The following CHODL variants were observed in gnomAD, a reference collection of about 807,000 sequenced individuals.
CHODL encodes chondrolectin, also known as transmembrane protein MT75.
CHODL carries 29 observed loss-of-function variants against 34.5 expected under a neutral mutation model. That is an observed-to-expected ratio of 0.84 (90% CI 0.63 to 1.15). The LOEUF (loss-of-function observed/expected upper bound fraction) is 1.15, where lower values mean the gene tolerates loss of function less well. CHODL is among the 50% of genes most tolerant of loss of function. The pLI, the probability that CHODL is intolerant of heterozygous loss-of-function variation, is 0.00. For synonymous variants in CHODL, 125 were observed against 116.1 expected (o/e 1.08, Z -0.49); for missense variants, 332 against 332.5 (o/e 1.00, Z 0.01).
intron 2 of CHODL, among the ~76,000 whole-genome samples, chr21:18,071,775 A>G (rs560332228): frequency 6.6e-6 from 1 of 152,220 alleles, no homozygotes; most frequent in African/African-American, 2.4e-5. Context: ...ATTTCCATAA[A>G]TCATACATGC....
At chr21:18,123,286 G>A (rs1361991582) in intron 2 of CHODL, among the ~76,000 whole-genome samples, 2 of 152,086 alleles carry the variant, frequency 1.3e-5, no homozygotes, top group Non-Finnish European at 2.9e-5. Flanking sequence ...TGATCATTTG[G>A]CTTAACCCCA....
At chr21:18,057,449 A>G (rs77418146) in intron 2 of CHODL, among the ~76,000 whole-genome samples, 2,844 of 152,108 alleles carry the variant, frequency 0.019, 93 homozygotes, top group African/African-American at 0.059. Context: ...CTCATTCCAT[A>G]TCAACATTCT....
intron 2 of CHODL, chr21:18,114,839 T>C (rs2065393875): frequency 6.6e-6 from 1 of 152,266 alleles, no homozygotes; most frequent in African/African-American, 2.4e-5. Context: ...GTTCCAGTCA[T>C]ACAGGCAAGG....
chr21:18,086,137 T>C (rs1233065244), intron 2 of CHODL, among the ~76,000 whole-genome samples: 1 of 150,912 alleles, frequency 6.6e-6, no homozygotes, highest in Non-Finnish European at 1.5e-5. Flanking sequence ...TGCTCTGGTC[T>C]ATAATTAAAG....
At chr21:18,256,853 T>A in intron 2 of CHODL, 35 bp downstream of exon 2, 1 of 1,593,836 alleles carries the variant, frequency 6.3e-7, no homozygotes, top group Non-Finnish European at 8.6e-7. Flanking sequence ...GCAGGTGCTC[T>A]GGGGAACTCC....
At chr21:17,974,715 A>G (rs1291747628) in intron 1 of CHODL, among the ~76,000 whole-genome samples, 1 of 151,998 alleles carries the variant, frequency 6.6e-6, no homozygotes, top group Non-Finnish European at 1.5e-5. Flanking sequence ...TTTATATTGT[A>G]TAGTATAATT....
chr21:18,161,825 C>G (rs1012865847), intron 2 of CHODL, among the ~76,000 whole-genome samples: 1 of 152,196 alleles, frequency 6.6e-6, no homozygotes, highest in African/African-American at 2.4e-5. Context: ...CTACATCTCT[C>G]TCTGGGCTGA....
chr21:17,977,389 G>A (rs2063672216), intron 1 of CHODL, among the ~76,000 whole-genome samples: 2 of 145,830 alleles, frequency 1.4e-5, no homozygotes, highest in Non-Finnish European at 3.0e-5. Flanking sequence ...TTGAGATGGA[G>A]TCTCTCTCGC....
chr21:18,132,539 G>A (rs918335135), intron 2 of CHODL, among the ~76,000 whole-genome samples: 4 of 152,084 alleles, frequency 2.6e-5, no homozygotes, highest in South Asian at 2.1e-4. Context: ...AAGCAATACC[G>A]TATGCCAGGA....
chr21:18,090,400 T>C (rs540522879), intron 2 of CHODL, among the ~76,000 whole-genome samples: 2 of 152,238 alleles, frequency 1.3e-5, no homozygotes, highest in African/African-American at 4.8e-5. Context: ...CTAAAAACAT[T>C]AGGCATTTGA....
intron 2 of CHODL, among the ~76,000 whole-genome samples, chr21:18,153,749 T>C (rs936983317): frequency 7.0e-6 from 1 of 142,848 alleles, no homozygotes; most frequent in East Asian, 2.1e-4. Context: ...GACTATGTTT[T>C]ATATATATAT....
intron 2 of CHODL, among the ~76,000 whole-genome samples, chr21:18,097,231 A>G (rs1004738287): frequency 1.3e-5 from 2 of 152,144 alleles, no homozygotes; most frequent in Admixed American, 1.3e-4. Context: ...GAACAATCAG[A>G]CAAGAGAAAG....
At chr21:17,954,272 G>A (rs1246869959) in intron 1 of CHODL, among the ~76,000 whole-genome samples, 5 of 152,064 alleles carry the variant, frequency 3.3e-5, no homozygotes, top group Non-Finnish European at 7.4e-5. Flanking sequence ...CGATGTAAAA[G>A]GTGTCAGAAA....
intron 2 of CHODL, among the ~76,000 whole-genome samples, chr21:18,231,673 T>C (rs2073980222): frequency 6.6e-6 from 1 of 152,098 alleles, no homozygotes; most frequent in Non-Finnish European, 1.5e-5. Context: ...GTATCTACAG[T>C]AAAGTGCAAA....
intron 2 of CHODL, among the ~76,000 whole-genome samples, chr21:18,044,230 G>A (rs1039858508): frequency 2.0e-5 from 3 of 151,962 alleles, no homozygotes; most frequent in Non-Finnish European, 4.4e-5. Flanking sequence ...ATATATGCAT[G>A]TATGAGCTAC....
intron 1 of CHODL, among the ~76,000 whole-genome samples, chr21:18,246,285 G>GT (rs5842678): frequency 0.022 from 3,423 of 152,184 alleles, 129 homozygotes; most frequent in Admixed American, 0.085. Context: ...AGGGTGAAAA[G>GT]TTTTTTTAAA....
chr21:18,140,020 A>C (rs1424451967), intron 2 of CHODL, among the ~76,000 whole-genome samples: 1 of 152,142 alleles, frequency 6.6e-6, no homozygotes, highest in African/African-American at 2.4e-5. Flanking sequence ...TTATTGTACT[A>C]TTCCATCTTC....
At chr21:17,992,449 T>G (rs759635325) in intron 1 of CHODL, among the ~76,000 whole-genome samples, 2 of 152,136 alleles carry the variant, frequency 1.3e-5, no homozygotes, top group Non-Finnish European at 2.9e-5. Context: ...GAGCATGGGG[T>G]GTCTTTCCAT....
At chr21:18,150,773 T>C (rs974715494) in intron 2 of CHODL, among the ~76,000 whole-genome samples, 3 of 152,132 alleles carry the variant, frequency 2.0e-5, no homozygotes, top group Non-Finnish European at 2.9e-5. Context: ...CCTTTCTGTC[T>C]TGGGACTGGC....
Sources: gnomAD v4.1 joint callset for allele counts (sites outside exome capture counted in the v4.1 genomes callset) on GRCh38, gnomAD v4.1.1 for gene constraint, MANE v1.5 for transcripts, NCBI Gene and HGNC (gene_info 2026-07-23, HGNC 2026-07-21) for gene names.